The following KCNQ2 variants were observed in gnomAD, a reference collection of about 807,000 sequenced individuals.
KCNQ2 encodes the protein potassium voltage-gated channel subfamily Q member 2.
Under a neutral mutation model 84.8 loss-of-function variants are expected in KCNQ2, and 14 were observed. The ratio of observed to expected loss-of-function variants is 0.17; its 90% CI spans 0.11 to 0.26. The LOEUF (loss-of-function observed/expected upper bound fraction) is 0.26. Ranked by LOEUF, KCNQ2 falls within the 10% of genes least tolerant of loss-of-function variation. The pLI, the probability that KCNQ2 is intolerant of heterozygous loss-of-function variation, is 1.00. For missense variants in KCNQ2, 788 were observed against 1,254.0 expected (o/e 0.63, Z 5.61); for synonymous variants, 599 against 554.1 (o/e 1.08, Z -1.14).
At position 63,406,166 on chromosome 20, in the gene KCNQ2, T is replaced by C. The variant is rs1195558002; in HGVS notation, c.*478A>G. The C allele has an allele frequency of 1.2e-5, 2 of 165,294 alleles. No individual in the cohort carries two copies. The highest frequency in any genetic ancestry group is 2.6e-5 in the Non-Finnish European group (2 of 75,760). 10.2% of individuals were successfully genotyped at this position (165,294 alleles called of 1,614,324 possible). A position where few individuals can be genotyped will look rare whatever the true frequency, so the allele number is the denominator to read the frequency against. ...CACAGCGGCCGGCCACACCCGCCTG[T>C]AGCTGCCCGGAAACCCCACCGGGAC... On this transcript the variant is annotated 3_prime_UTR_variant, in exon 17 of 17. Transcript: ENST00000359125.
intron 7 of KCNQ2, among the ~76,000 whole-genome samples, chr20:63,435,070 A>G (rs78665256): frequency 2.0e-5 from 3 of 152,100 alleles, no homozygotes; most frequent in Non-Finnish European, 4.4e-5. Flanking sequence ...GGCGGTGTCC[A>G]CACATCCTCA....
intron 14 of KCNQ2, 96 bp downstream of exon 14, chr20:63,413,992 C>T: frequency 1.1e-6 from 1 of 934,256 alleles, no homozygotes; most frequent in Non-Finnish European, 1.8e-6. Context: ...CTCTGGGCGG[C>T]TCTGTCCAGC....
At chr20:63,465,204 A>T (rs2082050137) in intron 1 of KCNQ2, among the ~76,000 whole-genome samples, 1 of 152,210 alleles carries the variant, frequency 6.6e-6, no homozygotes, top group South Asian at 2.1e-4. Flanking sequence ...TGGACGAATT[A>T]AAAGCACGAC....
intron 1 of KCNQ2, among the ~76,000 whole-genome samples, chr20:63,450,539 T>G (rs1221747533): frequency 2.9e-4 from 2 of 6,844 alleles, no homozygotes; most frequent in African/African-American, 6.0e-4. Context: ...TGCTGGGGGG[T>G]GGGGGAAGAC....
chr20:63,409,325 G>A (rs949593947), intron 15 of KCNQ2, among the ~76,000 whole-genome samples: 2 of 152,264 alleles, frequency 1.3e-5, no homozygotes, highest in African/African-American at 4.8e-5. Context: ...GTGTGCATGT[G>A]TGTGTGTAGG....
intron 7 of KCNQ2, among the ~76,000 whole-genome samples, chr20:63,436,707 G>C (rs888661387): frequency 4.6e-5 from 7 of 151,712 alleles, no homozygotes. Flanking sequence ...AGTACGTGCA[G>C]TGTTTTACTG....
In KCNQ2 at chr20:63,400,571, C is replaced by G. The variant is rs1460585539; in HGVS notation, c.*6073G>C. On this transcript the variant is annotated 3_prime_UTR_variant, in exon 17 of 17. Coordinates refer to ENST00000359125, the MANE Select transcript of KCNQ2 (RefSeq NM_172107.4). The surrounding 1 kb of genome is among the most constrained non-coding windows in gnomAD (Gnocchi z 8.7). The stretch of plus-strand genomic sequence containing the variant: ...ATACAAAATGGTCAGAAGTGTACGT[C>G]GGTACTGAAGGCATTATGAAATGTT... 3.5e-5 allele frequency: 14 copies of G among 398,392 alleles called. No homozygotes were observed. The allele number at this position is 398,392 out of a possible 1,614,324, so 24.7% of individuals were successfully genotyped here. A position where few individuals can be genotyped will look rare whatever the true frequency, so the allele number is the denominator to read the frequency against.
chr20:63,411,892 T>A (rs969566073), intron 15 of KCNQ2: 9 of 711,778 alleles, frequency 1.3e-5, no homozygotes, highest in Non-Finnish European at 2.1e-5. Flanking sequence ...CCTGGCAGAG[T>A]AAACAAGAAA....
chr20:63,444,345 AC>A (rs1008158812), intron 4 of KCNQ2, among the ~76,000 whole-genome samples: 3 of 152,174 alleles, frequency 2.0e-5, no homozygotes, highest in Admixed American at 6.5e-5. Flanking sequence ...GAAAGAAGAC[AC>A]CCAACCACAG....
intron 12 of KCNQ2, among the ~76,000 whole-genome samples, chr20:63,419,010 A>G (rs1363127293): frequency 1.3e-5 from 2 of 151,992 alleles, no homozygotes; most frequent in Non-Finnish European, 2.9e-5. Context: ...CACACACCCA[A>G]CAGCAGACAG....
rs1458975662 is a variant in KCNQ2, at chr20:63,438,516, T to C, written c.1023+109A>G. On this transcript the variant is annotated intron_variant, in intron 7 of 16. Coordinates refer to ENST00000359125, the MANE Select transcript of KCNQ2 (RefSeq NM_172107.4). This position sits in a 1 kb window ranked among gnomAD's most constrained non-coding sequence, Gnocchi z 5.1. ...AGATTCCTGCAGAGGGTGAGCGCTG[T>C]GGCCCATCCACAGACAGGGCAATGC... 3 of 885,728 alleles carry C rather than the reference T, an allele frequency of 3.4e-6. No homozygotes were observed. Among genetic ancestry groups the C allele is most frequent in the East Asian group, 4.8e-5 (2 of 41,604 alleles). 54.9% of individuals were successfully genotyped at this position (885,728 alleles called of 1,614,324 possible). A position where few individuals can be genotyped will look rare whatever the true frequency, so the allele number is the denominator to read the frequency against.
intron 9 of KCNQ2, 67 bp from the exon 10 acceptor site, chr20:63,428,502 C>T (rs1254292610): frequency 7.4e-7 from 1 of 1,344,004 alleles, no homozygotes. Context: ...CCTCCCTCTG[C>T]TTGCACAGCT....
At chr20:63,444,263 G>A (rs1001103769) in intron 4 of KCNQ2, among the ~76,000 whole-genome samples, 19 of 152,218 alleles carry the variant, frequency 1.2e-4, no homozygotes, top group African/African-American at 2.4e-4. Flanking sequence ...AGCGGCCGCC[G>A]CAAGCCGCAG....
In KCNQ2 at chr20:63,407,162, A is replaced by G; in HGVS notation, c.2101T>C (p.Phe701Leu). The G allele has an allele frequency of 6.3e-7, 1 of 1,599,760 alleles. No individual in the cohort carries two copies. Among genetic ancestry groups the G allele is most frequent in the Non-Finnish European group, 8.5e-7 (1 of 1,176,166 alleles). Reference protein sequence around the residue: ...RSSSSTGQKNFSAPPAAPPVQ... With the variant: ...RSSSSTGQKNLSAPPAAPPVQ... ...GGGGGCGCGGCCGGGGGCGCCGAGA[A>G]GTTCTTCTGGCCCGTGGAGCTGCTG... The change falls in exon 17 of 17, where the codon TTC becomes CTC. Residue 701 changes from phenylalanine (F) to leucine (L), a missense_variant. This residue lies in a region of KCNQ2 where 378 missense variants were observed against 434.5 expected (regional missense o/e 0.87). Coordinates refer to ENST00000359125, the MANE Select transcript of KCNQ2 (RefSeq NM_172107.4). This position sits in a 1 kb window ranked among gnomAD's most constrained non-coding sequence, Gnocchi z 7.2.
intron 7 of KCNQ2, chr20:63,434,202 A>C: frequency 6.6e-6 from 3 of 455,418 alleles, no homozygotes; most frequent in Non-Finnish European, 1.2e-5. Flanking sequence ...TTTCCTTTTC[A>C]TGACTCTTAC....
chr20:63,428,064 T>G (rs891806460), intron 10 of KCNQ2, among the ~76,000 whole-genome samples: 4 of 152,284 alleles, frequency 2.6e-5, no homozygotes, highest in Admixed American at 2.0e-4. Flanking sequence ...CTGGGACACT[T>G]TGTCGTACGA....
intron 1 of KCNQ2, among the ~76,000 whole-genome samples, chr20:63,461,372 C>T (rs1294196204): frequency 2.6e-5 from 4 of 152,180 alleles, no homozygotes; most frequent in African/African-American, 9.7e-5. Context: ...GGTCGTGTAC[C>T]TTGCCCCAGC....
intron 1 of KCNQ2, among the ~76,000 whole-genome samples, chr20:63,455,247 C>A (rs1361209339): frequency 6.6e-6 from 1 of 152,222 alleles, no homozygotes; most frequent in Non-Finnish European, 1.5e-5. Context: ...ATGGGTTCAA[C>A]TTCCGGAGCT....
rs908288581 is a variant in KCNQ2, at chr20:63,407,482, G to A, written c.1888-107C>T. ...GGGCCCAGGCTGGTTCCAGGAAACA[G>A]GAGAGACCCAGGCTAGTCCCAGGAA... On this transcript the variant is annotated intron_variant, in intron 16 of 16. Coordinates refer to ENST00000359125, the MANE Select transcript of KCNQ2 (RefSeq NM_172107.4). The surrounding 1 kb of genome is among the most constrained non-coding windows in gnomAD (Gnocchi z 7.2). 4 of 1,231,506 alleles carry A rather than the reference G, an allele frequency of 3.2e-6. 1 individual carries two copies. The Middle Eastern group carries it at 1.1e-3, about 331-fold the overall frequency. 76.3% of individuals were successfully genotyped at this position (1,231,506 alleles called of 1,614,324 possible).
Sources: allele counts gnomAD v4.1 joint callset (sites outside exome capture counted in the v4.1 genomes callset), GRCh38; gene constraint gnomAD v4.1.1; regional missense constraint gnomAD v4.1.1; non-coding constraint Gnocchi (gnomAD v3.1); transcripts MANE v1.5; gene names NCBI Gene and HGNC (gene_info 2026-07-23, HGNC 2026-07-21).